Variants in MERTK observed in about 807,000 individuals in gnomAD.
The protein encoded by MERTK is MER proto-oncogene, tyrosine kinase, also known as tyrosine-protein kinase Mer.
Under a neutral mutation model 99.3 loss-of-function variants are expected in MERTK, and 69 were observed. That is an observed-to-expected ratio of 0.70 (90% confidence interval 0.57 to 0.85). The LOEUF is 0.85. Among genes scored for constraint, MERTK ranks in the 40% least tolerant of loss-of-function variants. The pLI, the probability that MERTK is intolerant of heterozygous loss-of-function variation, is 0.00. For synonymous variants in MERTK, 426 were observed against 467.6 expected, an observed-to-expected ratio of 0.91 and a Z score of 1.15; for missense variants, 1,125 against 1,249.4, an observed-to-expected ratio of 0.90 and a Z score of 1.50.
At chr2:111,990,625 C>T (rs1325369658) in intron 8 of MERTK, among the ~76,000 whole-genome samples, 1 of 152,090 alleles carries the variant, frequency 6.6e-6, no homozygotes, top group Non-Finnish European at 1.5e-5. Context: ...GTTAAGTATC[C>T]CTTATCCAAA....
chr2:111,953,638 T>C (rs1685095821), intron 4 of MERTK, among the ~76,000 whole-genome samples: 1 of 152,120 alleles, frequency 6.6e-6, no homozygotes, highest in Non-Finnish European at 1.5e-5. Context: ...TGCAATGGCG[T>C]GATCTCTGCT....
intron 4 of MERTK, among the ~76,000 whole-genome samples, chr2:111,948,121 C>G (rs1684994263): frequency 6.6e-6 from 1 of 152,190 alleles, no homozygotes; most frequent in Admixed American, 6.5e-5. Context: ...GCACTGAAGT[C>G]AGTGGGCTCT....
intron 1 of MERTK, among the ~76,000 whole-genome samples, chr2:111,927,742 T>A (rs1573576552): frequency 6.6e-6 from 1 of 152,126 alleles, no homozygotes; most frequent in East Asian, 1.9e-4. Flanking sequence ...ATTTGCTAAA[T>A]CGGGCACAAC....
rs575856424 is a variant in MERTK at position 111,967,968 on chromosome 2, C to T, written c.845-169C>T. Among the ~76,000 whole-genome samples, 3 of 152,316 alleles carry T rather than the reference C, an allele frequency of 2.0e-5. No individual in the cohort carries two copies. The South Asian group carries it at 6.2e-4, about 32-fold the overall frequency. On this transcript the variant is annotated intron_variant, in intron 5 of 18. Transcript: ENST00000295408. ...AAGACTTCTTTGGCCCATCCATAGGCTAACACAATTACCCTCAGGCATAGG... is the reference window on the plus strand; with the variant it reads ...AAGACTTCTTTGGCCCATCCATAGGTTAACACAATTACCCTCAGGCATAGG...
intron 13 of MERTK, among the ~76,000 whole-genome samples, chr2:112,005,047 A>G (rs996213520): frequency 6.6e-6 from 1 of 152,152 alleles, no homozygotes; most frequent in African/African-American, 2.4e-5. Flanking sequence ...AAATCTATGC[A>G]GTCTAGGCCC....
At position 112,003,858 on chromosome 2, in the gene MERTK, G is replaced by C. The variant is rs762318137; in HGVS notation, c.1787-46G>C. 40 of 1,478,040 alleles carry C rather than the reference G, an allele frequency of 2.7e-5. 1 individual carries two copies. In the Admixed American group the frequency reaches 6.7e-4, roughly 25 times the overall value. 91.6% of individuals were successfully genotyped at this position (1,478,040 alleles called of 1,614,324 possible). A position where few individuals can be genotyped will look rare whatever the true frequency, so the allele number is the denominator to read the frequency against. ...GGCACTGTAGCATTTCTGTGGTCAGGGAAGAGTTTGCACAGTGTCCATACA... is the reference window on the plus strand; with the variant it reads ...GGCACTGTAGCATTTCTGTGGTCAGCGAAGAGTTTGCACAGTGTCCATACA... On this transcript the variant is annotated intron_variant, in intron 12 of 18. Coordinates refer to ENST00000295408, the MANE Select transcript of MERTK (RefSeq NM_006343.3).
chr2:111,928,131 T>C (rs1684601597), intron 1 of MERTK, among the ~76,000 whole-genome samples: 1 of 152,080 alleles, frequency 6.6e-6, no homozygotes, highest in South Asian at 2.1e-4. Flanking sequence ...GAAGCTTCAG[T>C]ATTCTATAGC....
intron 18 of MERTK, among the ~76,000 whole-genome samples, chr2:112,025,291 G>A (rs1004058634): frequency 1.3e-5 from 2 of 152,170 alleles, no homozygotes; most frequent in South Asian, 2.1e-4. Flanking sequence ...CTGCAGTTGC[G>A]TGGACTCAGG....
At chr2:111,963,452 A>G (rs986064436) in intron 4 of MERTK, among the ~76,000 whole-genome samples, 4 of 152,194 alleles carry the variant, frequency 2.6e-5, no homozygotes, top group South Asian at 2.1e-4. Flanking sequence ...ATTTCAGACT[A>G]TCACATGGGG....
intron 2 of MERTK, among the ~76,000 whole-genome samples, chr2:111,931,739 A>G (rs889219489): frequency 6.6e-6 from 1 of 152,088 alleles, no homozygotes; most frequent in African/African-American, 2.4e-5. Context: ...GATTTCAAGA[A>G]CAGCAAGCTG....
At chr2:111,903,801 G>A (rs535006760) in intron 1 of MERTK, among the ~76,000 whole-genome samples, 2 of 152,290 alleles carry the variant, frequency 1.3e-5, no homozygotes, top group East Asian at 3.9e-4. Flanking sequence ...TCTTTTCATA[G>A]AATTGTTAGG....
At chr2:111,906,897 T>C (rs1282648753) in intron 1 of MERTK, among the ~76,000 whole-genome samples, 1 of 152,160 alleles carries the variant, frequency 6.6e-6, no homozygotes, top group African/African-American at 2.4e-5. Flanking sequence ...ACATCCTCAC[T>C]TGTCAAATGG....
chr2:111,959,630 T>C (rs1159217013), intron 4 of MERTK, among the ~76,000 whole-genome samples: 2 of 152,104 alleles, frequency 1.3e-5, no homozygotes, highest in African/African-American at 2.4e-5. Context: ...CATGTCACCA[T>C]GCTCAGCTAA....
rs1439185252 is a variant in MERTK, at chr2:111,917,878, TGTC to T, written c.62-11241_62-11239del. 9.7e-5 allele frequency among the ~76,000 whole-genome samples: 10 copies of T among 102,566 alleles called. No individual in the cohort carries two copies. The East Asian group carries it at 3.6e-3, about 37-fold the overall frequency. 67.3% of individuals were successfully genotyped at this position (102,566 alleles called of 152,430 possible). On this transcript the variant is annotated intron_variant, in intron 1 of 18. Transcript: ENST00000295408. ...CCAGCCTGGTGACAGAGTGAGACTC[TGTC>T]TTAAAAAAAAAAAAAAATGCCAAAA...
intron 7 of MERTK, 92 bp from the exon 8 acceptor site, chr2:111,982,750 C>T: frequency 4.3e-6 from 6 of 1,395,238 alleles, no homozygotes; most frequent in Non-Finnish European, 6.1e-6. Flanking sequence ...TTTCATAGAG[C>T]ATTTGAAAAC....
At chr2:111,942,650 C>G (rs1040392455) in intron 2 of MERTK, among the ~76,000 whole-genome samples, 6 of 152,172 alleles carry the variant, frequency 3.9e-5, no homozygotes, top group African/African-American at 9.7e-5. Flanking sequence ...TGGGACCTCC[C>G]CCATGCCCAC....
intron 12 of MERTK, 74 bp from the exon 13 acceptor site, chr2:112,003,830 T>C: frequency 7.5e-7 from 1 of 1,326,474 alleles, no homozygotes; most frequent in Non-Finnish European, 1.1e-6. Flanking sequence ...AACCAGCAGC[T>C]CTGGCACTGT....
At chr2:112,006,975 T>C (rs1433418447) in intron 13 of MERTK, among the ~76,000 whole-genome samples, 1 of 152,074 alleles carries the variant, frequency 6.6e-6, no homozygotes, top group East Asian at 1.9e-4. Context: ...ATCAGTAGTT[T>C]TACCCTGTTA....
chr2:111,906,129 G>A (rs1284804847), intron 1 of MERTK, among the ~76,000 whole-genome samples: 2 of 152,162 alleles, frequency 1.3e-5, no homozygotes, highest in Non-Finnish European at 2.9e-5. Flanking sequence ...TCATCACAGG[G>A]TTAGTGCTCT....
Sources: gnomAD v4.1 joint callset for allele counts (sites outside exome capture counted in the v4.1 genomes callset) on GRCh38, gnomAD v4.1.1 for gene constraint, MANE v1.5 for transcripts, NCBI Gene and HGNC (gene_info 2026-07-23, HGNC 2026-07-21) for gene names.